The following TNFRSF19 variants were observed in gnomAD, a reference collection of about 807,000 sequenced individuals.
TNFRSF19 encodes tumor necrosis factor receptor superfamily member 19.
In TNFRSF19, 27 loss-of-function variants were observed where a neutral mutation model predicts 46.4. That is an observed-to-expected ratio of 0.58 (90% confidence interval 0.43 to 0.80). The LOEUF (loss-of-function observed/expected upper bound fraction) is 0.80, where lower values mean the gene tolerates loss of function less well. TNFRSF19 is among the 30% of genes least tolerant of loss of function. The pLI is 0.00. For missense variants in TNFRSF19, 511 were observed against 530.8 expected (o/e 0.96, Z 0.37); for synonymous variants, 204 against 205.0 (o/e 1.00, Z 0.04).
At chr13:23,663,608 G>A (rs1884515081) in intron 7 of TNFRSF19, among the ~76,000 whole-genome samples, 1 of 152,128 alleles carries the variant, frequency 6.6e-6, no homozygotes, top group Non-Finnish European at 1.5e-5. Context: ...TTTGTCATGT[G>A]GTAGAATTTG....
At chr13:23,592,323 G>T (rs924586953) in intron 2 of TNFRSF19, among the ~76,000 whole-genome samples, 2 of 152,092 alleles carry the variant, frequency 1.3e-5, no homozygotes, top group Non-Finnish European at 2.9e-5. Context: ...CTTGCTTAGG[G>T]TAAGGGGTTG....
At chr13:23,614,504 T>G (rs1233209075) in intron 3 of TNFRSF19, among the ~76,000 whole-genome samples, 1 of 152,148 alleles carries the variant, frequency 6.6e-6, no homozygotes, top group Non-Finnish European at 1.5e-5. Flanking sequence ...ACTTGCATTT[T>G]AGCATCCAGG....
chr13:23,586,764 C>T (rs1878875613), intron 1 of TNFRSF19, among the ~76,000 whole-genome samples: 1 of 152,192 alleles, frequency 6.6e-6, no homozygotes, highest in South Asian at 2.1e-4. Context: ...TGCAGCTGAA[C>T]AGCATGTTTC....
rs1883895408 is a variant in TNFRSF19 at position 23,655,117 on chromosome 13, C to T, written c.446-3933C>T. 2.0e-5 allele frequency among the ~76,000 whole-genome samples: 3 copies of T among 152,284 alleles called. No individual in the cohort carries two copies. In the South Asian group the frequency reaches 6.2e-4, roughly 32 times the overall value. ...CTACTCCAAAGAAGTTCAGATGGGA[C>T]TTTATAAAAACACTTGGCAGATTTT... On this transcript the variant is annotated intron_variant, in intron 5 of 9. Transcript: ENST00000248484.
At chr13:23,598,965 G>T (rs1033270297) in intron 3 of TNFRSF19, among the ~76,000 whole-genome samples, 3 of 152,142 alleles carry the variant, frequency 2.0e-5, no homozygotes, top group African/African-American at 7.2e-5. Context: ...ATAGATTTTT[G>T]ATCAATGATC....
intron 1 of TNFRSF19, among the ~76,000 whole-genome samples, chr13:23,577,785 G>A (rs1251559154): frequency 6.6e-6 from 1 of 152,206 alleles, no homozygotes; most frequent in African/African-American, 2.4e-5. Flanking sequence ...GGAAATAGGT[G>A]TAGGGCTGCA....
chr13:23,671,887 C>G (rs1214658180), intron 9 of TNFRSF19, among the ~76,000 whole-genome samples: 3 of 149,200 alleles, frequency 2.0e-5, no homozygotes, highest in Non-Finnish European at 4.4e-5. Flanking sequence ...AATTTGATTT[C>G]AGCAGCTCAC....
intron 3 of TNFRSF19, among the ~76,000 whole-genome samples, chr13:23,607,241 C>A (rs938089267): frequency 2.0e-5 from 3 of 152,108 alleles, no homozygotes; most frequent in African/African-American, 7.2e-5. Flanking sequence ...CCAGACTAGC[C>A]TGGCCAACAT....
chr13:23,599,833 C>T (rs560768836), intron 3 of TNFRSF19, among the ~76,000 whole-genome samples: 1 of 151,764 alleles, frequency 6.6e-6, no homozygotes, highest in Non-Finnish European at 1.5e-5. Flanking sequence ...GTCTGGCGCC[C>T]CCTTTCCATC....
chr13:23,634,293 C>G (rs1023159821), intron 5 of TNFRSF19, among the ~76,000 whole-genome samples: 1 of 152,208 alleles, frequency 6.6e-6, no homozygotes, highest in African/African-American at 2.4e-5. Flanking sequence ...GTGCCTGAGC[C>G]TTTGGTGGGG....
intron 1 of TNFRSF19, among the ~76,000 whole-genome samples, chr13:23,586,246 AGAC>A (rs1878821688): frequency 7.3e-6 from 1 of 137,500 alleles, no homozygotes; most frequent in Non-Finnish European, 1.5e-5. Context: ...TGACAGAGCG[AGAC>A]TCCGTCTCAA....
intron 3 of TNFRSF19, among the ~76,000 whole-genome samples, chr13:23,598,109 C>T (rs2138202302): frequency 6.6e-6 from 1 of 152,212 alleles, no homozygotes; most frequent in South Asian, 2.1e-4. Flanking sequence ...ATAATAAGAG[C>T]TATTTATGAC....
At chr13:23,612,641 G>A (rs1429077075) in intron 3 of TNFRSF19, among the ~76,000 whole-genome samples, 1 of 152,008 alleles carries the variant, frequency 6.6e-6, no homozygotes, top group African/African-American at 2.4e-5. Context: ...TTAATATTAG[G>A]CTTTAAAAAT....
chr13:23,615,853 G>A lies in TNFRSF19; in HGVS notation c.181-14G>A, dbSNP rs541087733. On this transcript the variant is annotated splice_polypyrimidine_tract_variant and intron_variant, in intron 3 of 9. Coordinates refer to ENST00000248484, the MANE Select transcript of TNFRSF19 (RefSeq NM_148957.4). ...AAGTCTGAATAGCTTTCTGTTACCC[G>A]TTAATCCCCACAGGAATGTGGCTTC... The A allele has an allele frequency of 1.0e-4, 156 of 1,567,238 alleles. 1 individual carries two copies. Among genetic ancestry groups the A allele is most frequent in the South Asian group, 7.7e-4 (66 of 85,548 alleles).
At chr13:23,668,426 TGAGACCCAG>T (rs1951686908) in intron 8 of TNFRSF19, among the ~76,000 whole-genome samples, 1 of 152,212 alleles carries the variant, frequency 6.6e-6, no homozygotes, top group African/African-American at 2.4e-5. Context: ...GAAACTCAGA[TGAGACCCAG>T]GAAACTGCAT....
chr13:23,583,814 G>A (rs977235826), intron 1 of TNFRSF19, among the ~76,000 whole-genome samples: 1 of 152,210 alleles, frequency 6.6e-6, no homozygotes, highest in Non-Finnish European at 1.5e-5. Context: ...TTGTAAGAAA[G>A]ACTGTGTAGA....
chr13:23,652,058 C>T (rs1395061451), intron 5 of TNFRSF19, among the ~76,000 whole-genome samples: 1 of 152,008 alleles, frequency 6.6e-6, no homozygotes, highest in Non-Finnish European at 1.5e-5. Context: ...TATTACAGCG[C>T]CCAGAAAGTG....
chr13:23,654,188 G>T (rs995299516), intron 5 of TNFRSF19, among the ~76,000 whole-genome samples: 2 of 152,314 alleles, frequency 1.3e-5, no homozygotes, highest in Middle Eastern at 3.4e-3. Context: ...TGTTGAGCAG[G>T]TTTTTAAACA....
intron 5 of TNFRSF19, among the ~76,000 whole-genome samples, chr13:23,627,198 G>A (rs542729549): frequency 8.5e-5 from 13 of 152,148 alleles, no homozygotes; most frequent in African/African-American, 3.1e-4. Context: ...TGGCATCTCT[G>A]CCTTCCCAGA....
Sources: allele counts gnomAD v4.1 joint callset (sites outside exome capture counted in the v4.1 genomes callset), GRCh38; gene constraint gnomAD v4.1.1; transcripts MANE v1.5; gene names NCBI Gene and HGNC (gene_info 2026-07-23, HGNC 2026-07-21).